The following SAMTOR variants were observed in gnomAD, a reference collection of about 807,000 sequenced individuals.
SAMTOR encodes S-adenosylmethionine sensor upstream of mTORC1, also known as UPF0532 protein C7orf60.
the SAMTOR span, among the ~76,000 whole-genome samples, chr7:112,885,790 G>A: frequency 6.6e-6 from 1 of 152,142 alleles, no homozygotes; most frequent in Non-Finnish European, 1.5e-5. Context: ...TCTGACGTCT[G>A]CCTGTTACCC....
At chr7:112,896,639 T>G in the SAMTOR span, among the ~76,000 whole-genome samples, 6 of 152,152 alleles carry the variant, frequency 3.9e-5, no homozygotes, top group African/African-American at 1.4e-4. Flanking sequence ...TGTGTAGAGG[T>G]GCATAATGAT....
chr7:112,872,884 C>T, the SAMTOR span, among the ~76,000 whole-genome samples: 1 of 151,752 alleles, frequency 6.6e-6, no homozygotes, highest in Admixed American at 6.6e-5. Context: ...CAGTAACACT[C>T]AAGCTAAGAA....
chr7:112,875,762 T>C, the SAMTOR span, among the ~76,000 whole-genome samples: 6 of 152,138 alleles, frequency 3.9e-5, no homozygotes, highest in African/African-American at 1.4e-4. Flanking sequence ...TCCAAGAACA[T>C]CCTCTTAATC....
At chr7:112,918,760 A>C in the SAMTOR span, among the ~76,000 whole-genome samples, 1 of 152,220 alleles carries the variant, frequency 6.6e-6, no homozygotes, top group Non-Finnish European at 1.5e-5. Flanking sequence ...AAGATCTACC[A>C]AGCAAATGGA....
chr7:112,851,805 A>T, the SAMTOR span, among the ~76,000 whole-genome samples: 2 of 152,198 alleles, frequency 1.3e-5, no homozygotes, highest in African/African-American at 4.8e-5. Flanking sequence ...ACAACCTAAC[A>T]AGAAAAATAA....
the SAMTOR span, among the ~76,000 whole-genome samples, chr7:112,843,868 A>G: frequency 6.6e-6 from 1 of 152,124 alleles, no homozygotes; most frequent in Non-Finnish European, 1.5e-5. Context: ...ACACTCATGC[A>G]AAAATCCTCA....
chr7:112,825,945 A>C, the SAMTOR span, among the ~76,000 whole-genome samples: 2 of 151,996 alleles, frequency 1.3e-5, no homozygotes, highest in African/African-American at 4.8e-5. Context: ...GAAATGATCA[A>C]ATGACTTTTT....
At chr7:112,836,345 C>T in the SAMTOR span, among the ~76,000 whole-genome samples, 2 of 151,804 alleles carry the variant, frequency 1.3e-5, no homozygotes, top group African/African-American at 4.8e-5. Flanking sequence ...TTTCTACCTG[C>T]AAATTTGTTT....
chr7:112,861,363 T>G, the SAMTOR span, among the ~76,000 whole-genome samples: 2 of 152,140 alleles, frequency 1.3e-5, no homozygotes, highest in Non-Finnish European at 2.9e-5. Flanking sequence ...CTTAGTGAGC[T>G]GAGTGTGGTG....
the SAMTOR span, among the ~76,000 whole-genome samples, chr7:112,921,433 T>C: frequency 3.3e-5 from 5 of 151,386 alleles, no homozygotes; most frequent in Non-Finnish European, 7.4e-5. Context: ...TTACACCTTA[T>C]ACAAAAATTA....
chr7:112,821,171 G>T, the SAMTOR span: 2 of 152,066 alleles, frequency 1.3e-5, no homozygotes, highest in African/African-American at 4.8e-5. Context: ...ATATAAGGAA[G>T]AAATAAAAAG....
the SAMTOR span, among the ~76,000 whole-genome samples, chr7:112,875,348 A>G: frequency 6.6e-6 from 1 of 152,232 alleles, no homozygotes; most frequent in African/African-American, 2.4e-5. Flanking sequence ...TGTCATGGAT[A>G]AAGCAGAAAA....
At chr7:112,916,943 G>A in the SAMTOR span, among the ~76,000 whole-genome samples, 81 of 152,348 alleles carry the variant, frequency 5.3e-4, no homozygotes, top group East Asian at 9.7e-3. Flanking sequence ...CAGCAGGGAA[G>A]CTCGAACTGG....
the SAMTOR span, among the ~76,000 whole-genome samples, chr7:112,932,918 A>C: frequency 1.3e-5 from 2 of 152,236 alleles, no homozygotes; most frequent in Non-Finnish European, 2.9e-5. Context: ...CATAATCCTT[A>C]ATAATCTAGA....
chr7:112,893,824 C>A, the SAMTOR span, among the ~76,000 whole-genome samples: 1 of 152,186 alleles, frequency 6.6e-6, no homozygotes, highest in South Asian at 2.1e-4. Flanking sequence ...ATGGCGTGAA[C>A]CTGGGAGGCG....
At chr7:112,870,398 T>C in the SAMTOR span, among the ~76,000 whole-genome samples, 1 of 152,082 alleles carries the variant, frequency 6.6e-6, no homozygotes, top group African/African-American at 2.4e-5. Context: ...AACAACATTC[T>C]TAAAAGAAAA....
chr7:112,824,629 G>A, the SAMTOR span, among the ~76,000 whole-genome samples: 1 of 152,078 alleles, frequency 6.6e-6, no homozygotes, highest in South Asian at 2.1e-4. Context: ...CCAAAGTGCT[G>A]GGATTACAGG....
chr7:112,881,422 T>C, the SAMTOR span, among the ~76,000 whole-genome samples: 7 of 152,294 alleles, frequency 4.6e-5, no homozygotes, highest in East Asian at 3.9e-4. Context: ...TGAGAGGTTA[T>C]GGTGCTTTTT....
the SAMTOR span, among the ~76,000 whole-genome samples, chr7:112,929,459 G>C: frequency 6.6e-6 from 1 of 151,982 alleles, no homozygotes; most frequent in Non-Finnish European, 1.5e-5. Flanking sequence ...GTGAGGATGT[G>C]AAGAAAAGTG....
Sources: gnomAD v4.1 joint callset for allele counts (sites outside exome capture counted in the v4.1 genomes callset) on GRCh38, gnomAD v4.1.1 for gene constraint, MANE v1.5 for transcripts, NCBI Gene and HGNC (gene_info 2026-07-23, HGNC 2026-07-21) for gene names.